ESRRG: variants seen among roughly 807,000 people sequenced by gnomAD.
ESRRG encodes estrogen-related receptor gamma.
Under a neutral mutation model 44.0 loss-of-function variants are expected in ESRRG, and 13 were observed. That is an observed-to-expected ratio of 0.30 (90% CI 0.19 to 0.47). The LOEUF (loss-of-function observed/expected upper bound fraction) is 0.47, where lower values mean the gene tolerates loss of function less well. Among genes scored for constraint, ESRRG ranks in the 20% least tolerant of loss-of-function variants. The pLI, the probability that ESRRG is intolerant of heterozygous loss-of-function variation, is 1.00. For missense variants in ESRRG, 395 were observed against 580.6 expected (o/e 0.68, Z 3.29); for synonymous variants, 215 against 214.6 (o/e 1.00, Z -0.02).
chr1:216,719,633 A>C (rs921143165), intron 1 of ESRRG, among the ~76,000 whole-genome samples: 1 of 152,070 alleles, frequency 6.6e-6, no homozygotes, highest in African/African-American at 2.4e-5. Flanking sequence ...AATATATATT[A>C]CAGGTCAGAT....
At chr1:216,968,677 A>AT (rs2070961186) in intron 1 of ESRRG, among the ~76,000 whole-genome samples, 1 of 144,846 alleles carries the variant, frequency 6.9e-6, no homozygotes, top group African/African-American at 2.5e-5. Flanking sequence ...ATTCTCTTTC[A>AT]TTCTTGTGTT....
chr1:217,071,499 T>C (rs2090557066), intron 1 of ESRRG, among the ~76,000 whole-genome samples: 3 of 152,308 alleles, frequency 2.0e-5, no homozygotes, highest in African/African-American at 7.2e-5. Flanking sequence ...ATTAAGATAC[T>C]GGTAAAACAC....
intron 1 of ESRRG, among the ~76,000 whole-genome samples, chr1:217,061,513 C>T (rs2088491299): frequency 6.6e-6 from 1 of 152,092 alleles, no homozygotes; most frequent in African/African-American, 2.4e-5. Context: ...AAGACAGTTG[C>T]ACCGGACTAT....
chr1:216,883,241 C>T (rs1364015063), intron 2 of ESRRG, among the ~76,000 whole-genome samples: 3 of 151,902 alleles, frequency 2.0e-5, no homozygotes, highest in Admixed American at 1.3e-4. Context: ...AAAAAATTAG[C>T]CAGGCATGGT....
intron 2 of ESRRG, among the ~76,000 whole-genome samples, chr1:216,830,558 A>G (rs529648383): frequency 6.6e-6 from 1 of 152,230 alleles, no homozygotes; most frequent in African/African-American, 2.4e-5. Context: ...TGTTTATACA[A>G]GCATCTGGAG....
chr1:216,677,588 A>AGAAAGG, intron 1 of ESRRG, 97 bp from the exon 2 acceptor site: 3 of 1,055,722 alleles, frequency 2.8e-6, no homozygotes, highest in Admixed American at 2.9e-5. Context: ...TGAAAAATAG[A>AGAAAGG]GAAAGGGAAA....
intron 3 of ESRRG, among the ~76,000 whole-genome samples, chr1:216,635,745 C>A (rs1324814671): frequency 6.6e-6 from 1 of 152,094 alleles, no homozygotes; most frequent in Non-Finnish European, 1.5e-5. Context: ...GCCAGAGTCA[C>A]ACAGAGCATT....
chr1:216,598,995 C>T (rs1388604906), intron 3 of ESRRG, among the ~76,000 whole-genome samples: 1 of 151,992 alleles, frequency 6.6e-6, no homozygotes, highest in Non-Finnish European at 1.5e-5. Flanking sequence ...AAATTGAATG[C>T]TTGAGTGCAA....
At chr1:217,125,916 G>A (rs2092883420) in intron 1 of ESRRG, among the ~76,000 whole-genome samples, 1 of 152,150 alleles carries the variant, frequency 6.6e-6, no homozygotes, top group Non-Finnish European at 1.5e-5. Context: ...AACCTCTTGT[G>A]GGTATTATTG....
intron 1 of ESRRG, among the ~76,000 whole-genome samples, chr1:217,055,091 T>C (rs2086814105): frequency 6.6e-6 from 1 of 152,208 alleles, no homozygotes. Context: ...TGGTAACAGT[T>C]AGGGGCTAGA....
rs1214510042 is a variant in ESRRG, at chr1:216,620,326, T to C, written c.589+30647A>G. Among the ~76,000 whole-genome samples, 6 of 152,334 alleles carry C rather than the reference T, an allele frequency of 3.9e-5. No homozygotes were observed. The South Asian group carries it at 1.0e-3, about 26-fold the overall frequency. ...AGCATTTAGAACATGTGGTCAGCCCTAATTGTAAACCATCAGTATTATCTA... is the reference window on the plus strand; with the variant it reads ...AGCATTTAGAACATGTGGTCAGCCCCAATTGTAAACCATCAGTATTATCTA... On this transcript the variant is annotated intron_variant, in intron 3 of 6. Coordinates refer to ENST00000408911, the MANE Select transcript of ESRRG (RefSeq NM_001438.4).
chr1:216,761,809 G>A (rs899926968), intron 2 of ESRRG, among the ~76,000 whole-genome samples: 3 of 152,018 alleles, frequency 2.0e-5, no homozygotes, highest in Admixed American at 2.0e-4. Context: ...CTTTCCACTA[G>A]TTTGTGACTT....
intron 1 of ESRRG, among the ~76,000 whole-genome samples, chr1:217,098,513 T>C (rs892328041): frequency 2.0e-5 from 3 of 152,170 alleles, no homozygotes; most frequent in Admixed American, 6.5e-5. Flanking sequence ...ATCGATGCTC[T>C]TTTCCTGGAG....
intron 3 of ESRRG, among the ~76,000 whole-genome samples, chr1:216,640,180 G>T (rs930357408): frequency 1.1e-4 from 17 of 152,090 alleles, no homozygotes; most frequent in African/African-American, 3.9e-4. Context: ...CCACAAAGCC[G>T]CACTGGCTCT....
intron 2 of ESRRG, among the ~76,000 whole-genome samples, chr1:216,781,682 G>T (rs1345820929): frequency 6.6e-6 from 1 of 151,964 alleles, no homozygotes; most frequent in African/African-American, 2.4e-5. Flanking sequence ...ATGAGCAAAT[G>T]GTCCTCTCTT....
chr1:216,625,185 G>T (rs2062961853), intron 3 of ESRRG, among the ~76,000 whole-genome samples: 1 of 151,896 alleles, frequency 6.6e-6, no homozygotes, highest in African/African-American at 2.4e-5. Context: ...TATTTCTACA[G>T]GATTAGTATT....
chr1:216,640,073 A>G (rs542292778), intron 3 of ESRRG, among the ~76,000 whole-genome samples: 2 of 152,348 alleles, frequency 1.3e-5, no homozygotes, highest in Non-Finnish European at 2.9e-5. Context: ...GCTGAAATCC[A>G]TCACACCTGA....
chr1:217,121,119 T>TACAC (rs71163790), intron 1 of ESRRG, among the ~76,000 whole-genome samples: 3,346 of 148,434 alleles, frequency 0.023, 115 homozygotes, highest in African/African-American at 0.074. Flanking sequence ...TCTTGAAGAA[T>TACAC]ACACACACAC....
chr1:216,606,221 A>C (rs1237925892), intron 3 of ESRRG, among the ~76,000 whole-genome samples: 2 of 152,186 alleles, frequency 1.3e-5, no homozygotes, highest in Non-Finnish European at 2.9e-5. Flanking sequence ...AGATTCAATA[A>C]TACAAGAGGC....
Sources: allele counts gnomAD v4.1 joint callset (sites outside exome capture counted in the v4.1 genomes callset), GRCh38; gene constraint gnomAD v4.1.1; transcripts MANE v1.5; gene names NCBI Gene and HGNC (gene_info 2026-07-23, HGNC 2026-07-21).